Variants in RASAL2 observed in about 807,000 individuals in gnomAD.
The protein encoded by RASAL2 is RAS protein activator like 2.
In RASAL2, 58 loss-of-function variants were observed where a neutral mutation model predicts 128.9. That is an observed-to-expected ratio of 0.45 (90% CI 0.36 to 0.56). The LOEUF (loss-of-function observed/expected upper bound fraction) is 0.56, where lower values mean the gene tolerates loss of function less well. Ranked by LOEUF, RASAL2 falls within the 20% of genes least tolerant of loss-of-function variation. RASAL2 has a pLI of 0.00. For synonymous variants in RASAL2, 561 were observed against 580.8 expected (o/e 0.97, Z 0.49); for missense variants, 1,360 against 1,601.6 (o/e 0.85, Z 2.57).
intron 3 of RASAL2, among the ~76,000 whole-genome samples, chr1:178,324,452 C>T (rs934576443): frequency 3.3e-5 from 5 of 151,674 alleles, no homozygotes; most frequent in Non-Finnish European, 5.9e-5. Flanking sequence ...GGTGTGACAT[C>T]TTAAAGCATT....
intron 2 of RASAL2, among the ~76,000 whole-genome samples, chr1:178,284,980 C>T (rs1029440976): frequency 4.6e-5 from 7 of 152,012 alleles, no homozygotes; most frequent in African/African-American, 7.2e-5. Context: ...CTTGCTCCTC[C>T]TTCCTTCCCT....
intron 17 of RASAL2, among the ~76,000 whole-genome samples, chr1:178,471,420 A>G (rs1218935861): frequency 6.6e-6 from 1 of 152,108 alleles, no homozygotes; most frequent in Non-Finnish European, 1.5e-5. Context: ...TTATTTTTTA[A>G]AAGCCTTGCA....
rs767887934 is a variant in RASAL2, at chr1:178,332,531, A to G, written c.457+32413A>G. Reference sequence around the variant, plus strand: ...CAAAAAACCTGTATTCTCAAAATCAATGTTGTGGCCTGACACTTTGCCAGT... The same window carrying G: ...CAAAAAACCTGTATTCTCAAAATCAGTGTTGTGGCCTGACACTTTGCCAGT... On this transcript the variant is annotated intron_variant, in intron 3 of 17. Transcript: ENST00000367649. Among the ~76,000 whole-genome samples the G allele has an allele frequency of 7.2e-5, 11 of 152,024 alleles. No individual in the cohort carries two copies. The South Asian group carries it at 1.0e-3, about 14-fold the overall frequency.
intron 16 of RASAL2, 77 bp from the exon 17 acceptor site, chr1:178,467,257 T>C: frequency 9.0e-7 from 1 of 1,108,446 alleles, no homozygotes; most frequent in Non-Finnish European, 1.4e-6. Context: ...GGGCAGAGGA[T>C]ATTGAGTTTT....
chr1:178,162,395 T>TATATTTTATATATTATATATAATATTA (rs1661346820), intron 1 of RASAL2, among the ~76,000 whole-genome samples: 1 of 113,962 alleles, frequency 8.8e-6, no homozygotes, highest in African/African-American at 3.5e-5. Flanking sequence ...ATTATATATA[T>TATATTTTATATATTATATATAATATTA]TATATATTTT....
intron 5 of RASAL2, among the ~76,000 whole-genome samples, chr1:178,427,334 A>T (rs547280572): frequency 1.3e-5 from 2 of 152,196 alleles, no homozygotes; most frequent in Non-Finnish European, 2.9e-5. Flanking sequence ...GTGCTACTTA[A>T]ATTTACCAAA....
chr1:178,281,106 C>T (rs527958919), intron 1 of RASAL2, among the ~76,000 whole-genome samples: 1 of 152,024 alleles, frequency 6.6e-6, no homozygotes, highest in African/African-American at 2.4e-5. Flanking sequence ...AGAACAGAAA[C>T]TATCACTTTT....
chr1:178,094,517 G>A lies in RASAL2; in HGVS notation c.25G>A (p.Gly9Arg). The change falls in exon 1 of 18, where the codon GGA becomes AGA. Residue 9 changes from glycine (G) to arginine (R), a missense_variant. Physicochemically the swap from Gly to Arg is moderately radical, Grantham distance 125. This residue lies in a region of RASAL2 where 617 missense variants were observed against 714.2 expected (regional missense o/e 0.86). Coordinates refer to ENST00000367649, the MANE Select transcript of RASAL2 (RefSeq NM_170692.4). ...CATGGAGCTCTCTCCGTCGTCCGGA[G>A]GAGCCGCGGAGGCGCTGTCCTGGCC... is the stretch of plus-strand genomic sequence containing the variant. MELSPSSGGAAEALSWPEM... is the reference protein window; with the variant it reads MELSPSSGRAAEALSWPEM... The A allele has an allele frequency of 6.4e-7, 1 of 1,566,088 alleles. No individual in the cohort carries two copies. Among genetic ancestry groups the A allele is most frequent in the Non-Finnish European group, 8.6e-7 (1 of 1,156,484 alleles).
At chr1:178,246,306 G>A (rs1366756749) in intron 1 of RASAL2, among the ~76,000 whole-genome samples, 2 of 152,022 alleles carry the variant, frequency 1.3e-5, no homozygotes, top group African/African-American at 2.4e-5. Context: ...TGTATTCCTA[G>A]GTATTTTACT....
intron 1 of RASAL2, among the ~76,000 whole-genome samples, chr1:178,123,994 T>C (rs1659805917): frequency 6.6e-6 from 1 of 152,092 alleles, no homozygotes; most frequent in Non-Finnish European, 1.5e-5. Flanking sequence ...ATTAGTGACA[T>C]ACTTATCTAT....
intron 1 of RASAL2, chr1:178,120,831 T>A (rs1449842549): frequency 1.3e-5 from 2 of 152,242 alleles, no homozygotes; most frequent in African/African-American, 4.8e-5. Flanking sequence ...GGGTTCGTGC[T>A]CCCATGAGAA....
At chr1:178,326,910 CT>C (rs1357655138) in intron 3 of RASAL2, among the ~76,000 whole-genome samples, 1 of 152,192 alleles carries the variant, frequency 6.6e-6, no homozygotes, top group East Asian at 1.9e-4. Context: ...CTCTTACCGA[CT>C]TTTTATCACG....
intron 4 of RASAL2, among the ~76,000 whole-genome samples, chr1:178,416,324 G>A (rs1455767883): frequency 6.6e-6 from 1 of 151,956 alleles, no homozygotes; most frequent in Admixed American, 6.6e-5. Flanking sequence ...CAACTTCGTA[G>A]ATAGTATGAG....
intron 2 of RASAL2, among the ~76,000 whole-genome samples, chr1:178,298,279 T>C (rs556660413): frequency 1.6e-4 from 25 of 152,342 alleles, no homozygotes; most frequent in Non-Finnish European, 2.8e-4. Flanking sequence ...AGAGTACTTT[T>C]GGAAGACTTC....
At chr1:178,239,669 T>G (rs1207401579) in intron 1 of RASAL2, among the ~76,000 whole-genome samples, 1 of 152,082 alleles carries the variant, frequency 6.6e-6, no homozygotes, top group African/African-American at 2.4e-5. Context: ...AAGGGACTTT[T>G]GAGGACACTA....
At chr1:178,100,416 C>T (rs572553934) in intron 1 of RASAL2, among the ~76,000 whole-genome samples, 24 of 150,684 alleles carry the variant, frequency 1.6e-4, no homozygotes, top group Non-Finnish European at 3.1e-4. Context: ...CCCAGCTACT[C>T]GGGATGCTGA....
chr1:178,464,838 T>TTTTG (rs1206873198), intron 15 of RASAL2, among the ~76,000 whole-genome samples: 5 of 143,174 alleles, frequency 3.5e-5, no homozygotes, highest in African/African-American at 1.1e-4. Flanking sequence ...GTTGTTTTTT[T>TTTTG]TTTTTTTTTT....
At chr1:178,335,875 TA>T (rs564672602) in intron 3 of RASAL2, among the ~76,000 whole-genome samples, 30 of 151,752 alleles carry the variant, frequency 2.0e-4, no homozygotes, top group Non-Finnish European at 4.1e-4. Flanking sequence ...TTTATAAAAT[TA>T]ATACTATTAT....
intron 3 of RASAL2, among the ~76,000 whole-genome samples, chr1:178,343,789 G>A (rs958168308): frequency 2.1e-4 from 31 of 150,966 alleles, no homozygotes; most frequent in African/African-American, 6.1e-4. Context: ...CATACCTTCC[G>A]TGTTAGAAAA....
Sources: allele counts gnomAD v4.1 joint callset (sites outside exome capture counted in the v4.1 genomes callset), GRCh38; gene constraint gnomAD v4.1.1; regional missense constraint gnomAD v4.1.1; transcripts MANE v1.5; gene names NCBI Gene and HGNC (gene_info 2026-07-23, HGNC 2026-07-21).